The following BROX variants were observed in gnomAD, a reference collection of about 807,000 sequenced individuals.
BROX encodes BRO1 domain and CAAX motif containing.
BROX carries 53 observed loss-of-function variants against 61.0 expected under a neutral mutation model. That is an observed-to-expected ratio of 0.87 (90% CI 0.70 to 1.09). The LOEUF (loss-of-function observed/expected upper bound fraction) is 1.09. Ranked by LOEUF, BROX falls within the 50% of genes least tolerant of loss-of-function variation. The pLI is 0.00. For synonymous variants in BROX, 152 were observed against 160.2 expected, an observed-to-expected ratio of 0.95 and a Z score of 0.38; for missense variants, 489 against 472.0, an observed-to-expected ratio of 1.04 and a Z score of -0.33.
chr1:222,713,889 C>G (rs889183040), intron 1 of BROX: 1 of 152,108 alleles, frequency 6.6e-6, no homozygotes, highest in Non-Finnish European at 1.5e-5. Flanking sequence ...TAAACCTGCT[C>G]AGTTTTTCGT....
Position 222,735,052 on chromosome 1 carries a change from T to G in BROX, c.*2338T>G, listed in dbSNP as rs556890075. The G allele has an allele frequency of 2.0e-5, 3 of 152,312 alleles. No individual in the cohort carries two copies. Among genetic ancestry groups the G allele is most frequent in the Non-Finnish European group, 4.4e-5 (3 of 68,020 alleles). 9.4% of individuals were successfully genotyped at this position (152,312 alleles called of 1,614,324 possible). A position where few individuals can be genotyped will look rare whatever the true frequency, so the allele number is the denominator to read the frequency against. On this transcript the variant is annotated 3_prime_UTR_variant, in exon 13 of 13. Coordinates refer to ENST00000340934, the MANE Select transcript of BROX (RefSeq NM_144695.4). ...AAATGTATAGAAGTTGCATGAAGGT[T>G]ATAGAGAGGTGTAACTGTTTGTTAA...
intron 2 of BROX, among the ~76,000 whole-genome samples, chr1:222,717,578 CT>C (rs1474552120): frequency 1.3e-5 from 2 of 152,188 alleles, no homozygotes; most frequent in African/African-American, 4.8e-5. Flanking sequence ...CACTTTCCAG[CT>C]TCTAGAGAAA....
intron 7 of BROX, among the ~76,000 whole-genome samples, chr1:222,726,901 G>C (rs555682531): frequency 6.6e-6 from 1 of 152,058 alleles, no homozygotes; most frequent in Non-Finnish European, 1.5e-5. Flanking sequence ...AGAATTTGCT[G>C]TTAGGTCATG....
intron 4 of BROX, among the ~76,000 whole-genome samples, chr1:222,721,857 C>G (rs1485994205): frequency 6.6e-6 from 1 of 152,064 alleles, no homozygotes; most frequent in East Asian, 1.9e-4. Context: ...GTCACTTCTA[C>G]CAGAAAATTT....
Position 222,725,436 on chromosome 1 carries a change from G to T in BROX, c.475-14G>T, listed in dbSNP as rs141882942. ...GGCTGCTTTGTTTTTTGTCTTTTTT[G>T]TTGTTGTTCTCAGGAAAGTCATCTC... On this transcript the variant is annotated splice_polypyrimidine_tract_variant and intron_variant, in intron 6 of 12. Transcript: ENST00000340934. The T allele has an allele frequency of 1.3e-6, 2 of 1,555,288 alleles. No individual in the cohort carries two copies. Among genetic ancestry groups the T allele is most frequent in the African/African-American group, 1.4e-5 (1 of 71,920 alleles).
chr1:222,729,643 T>C lies in BROX; in HGVS notation c.780T>C (p.Thr260=). The C allele has an allele frequency of 1.2e-6, 2 of 1,613,154 alleles. No individual in the cohort carries two copies. The highest frequency in any genetic ancestry group is 1.7e-6 in the Non-Finnish European group (2 of 1,179,310). Residue 260 remains threonine, a synonymous_variant, in exon 10 of 13, where the codon ACT becomes ACC. Transcript: ENST00000340934. ...TAYAYCYHGE[T]LLASDKCGEA... is the part of the protein sequence containing the mutation. ...AGGCTTACTGTTACCATGGTGAGAC[T>C]TTATTGGCTAGTGATAAATGCGGTG...
intron 4 of BROX, among the ~76,000 whole-genome samples, chr1:222,720,707 G>A (rs561823479): frequency 2.0e-5 from 3 of 151,676 alleles, no homozygotes. Context: ...CAGCTACTTG[G>A]GAGGCTGAGA....
rs145684025 is a variant in BROX, at chr1:222,717,901, C to T, written c.102-1024C>T. 22 of 152,326 alleles carry T rather than the reference C, an allele frequency of 1.4e-4. No individual in the cohort carries two copies. In the East Asian group the frequency reaches 4.2e-3, roughly 29 times the overall value. The allele number at this position is 152,326 out of a possible 1,614,324, so 9.4% of individuals were successfully genotyped here. ...ATATACAGCCTCTACTCTCTTGGTG[C>T]TTACCATTTAAATTTAGTCTTTCTT... On this transcript the variant is annotated intron_variant, in intron 2 of 12. Transcript: ENST00000340934.
In BROX at chr1:222,732,827, AG is replaced by A; in HGVS notation, c.*114del. 1 of 836,614 alleles carries A rather than the reference AG, an allele frequency of 1.2e-6. No individual in the cohort carries two copies. The highest frequency in any genetic ancestry group is 1.9e-6 in the Non-Finnish European group (1 of 536,716). The allele number at this position is 836,614 out of a possible 1,614,324, so 51.8% of individuals were successfully genotyped here. On this transcript the variant is annotated 3_prime_UTR_variant, in exon 13 of 13. Coordinates refer to ENST00000340934, the MANE Select transcript of BROX (RefSeq NM_144695.4). The stretch of plus-strand genomic sequence containing the variant: ...AGCTTGTAGAATAACTATTATATTC[AG>A]AGGGTTATCTGCCTTCAGCTTACTT...
Position 222,718,997 on chromosome 1 carries a change from G to A in BROX, c.174G>A (p.Lys58=). ...TDLSCNPEMM[K]NAADSYFSLL... is the part of the protein sequence containing the mutation. ...TGAGCTGTAATCCAGAAATGATGAA[G>A]AATGCAGCAGATTCATATTTCTCAC... The change falls in exon 3 of 13, where the codon AAG becomes AAA. Residue 58 remains lysine (K), a synonymous_variant. Coordinates refer to ENST00000340934, the MANE Select transcript of BROX (RefSeq NM_144695.4). 1.9e-6 allele frequency: 3 copies of A among 1,613,608 alleles called. No homozygotes were observed. The highest frequency in any genetic ancestry group is 2.5e-6 in the Non-Finnish European group (3 of 1,179,772).
At chr1:222,717,559 G>T (rs751293310) in intron 2 of BROX, among the ~76,000 whole-genome samples, 8 of 152,166 alleles carry the variant, frequency 5.3e-5, no homozygotes, top group Non-Finnish European at 1.2e-4. Context: ...CCTAGTCCAG[G>T]AATTGAATCA....
intron 4 of BROX, among the ~76,000 whole-genome samples, chr1:222,721,219 A>G (rs1657075958): frequency 1.3e-5 from 2 of 152,222 alleles, no homozygotes; most frequent in East Asian, 1.9e-4. Flanking sequence ...GTTTCAGTGC[A>G]GAAAATAATA....
chr1:222,716,433 C>T (rs1219777924), intron 2 of BROX, among the ~76,000 whole-genome samples: 1 of 152,210 alleles, frequency 6.6e-6, no homozygotes, highest in African/African-American at 2.4e-5. Context: ...ACATATTAAA[C>T]TTCTTGACTT....
rs545764844 is a variant in BROX at position 222,728,353 on chromosome 1, G to A, written c.671-390G>A. Among the ~76,000 whole-genome samples, 7 of 152,276 alleles carry A rather than the reference G, an allele frequency of 4.6e-5. No homozygotes were observed. In the South Asian group the frequency reaches 1.4e-3, roughly 32 times the overall value. Reference sequence around the variant, plus strand: ...TTTCACATAAAATTCAGTGATGGGGGTAGAGAGGAGAGTATCCTATTTCTG... The same window carrying A: ...TTTCACATAAAATTCAGTGATGGGGATAGAGAGGAGAGTATCCTATTTCTG... On this transcript the variant is annotated intron_variant, in intron 8 of 12. Coordinates refer to ENST00000340934, the MANE Select transcript of BROX (RefSeq NM_144695.4).
chr1:222,712,692 G>T lies in BROX; in HGVS notation c.-267G>T. 1 of 1,294,510 alleles carries T rather than the reference G, an allele frequency of 7.7e-7. No homozygotes were observed. Among genetic ancestry groups the T allele is most frequent in the Non-Finnish European group, 1.0e-6 (1 of 991,984 alleles). 80.2% of individuals were successfully genotyped at this position (1,294,510 alleles called of 1,614,324 possible). A position where few individuals can be genotyped will look rare whatever the true frequency, so the allele number is the denominator to read the frequency against. On this transcript the variant is annotated 5_prime_UTR_variant, in exon 1 of 13. Coordinates refer to ENST00000340934, the MANE Select transcript of BROX (RefSeq NM_144695.4). Reference sequence around the variant, plus strand: ...GAAGGCCGAGGGAGAAGTTAGAAAGGGATGATGAACGAAGCGTTTTGAGGG... The same window carrying T: ...GAAGGCCGAGGGAGAAGTTAGAAAGTGATGATGAACGAAGCGTTTTGAGGG...
At chr1:222,726,717 C>CA (rs113885916) in intron 7 of BROX, among the ~76,000 whole-genome samples, 96 of 132,460 alleles carry the variant, frequency 7.2e-4, no homozygotes, top group South Asian at 1.7e-3. Context: ...AACTCCATCT[C>CA]AAAAAAAAAA....
intron 9 of BROX, 138 bp from the exon 10 acceptor site, chr1:222,729,481 TG>T (rs1346540196): frequency 3.8e-6 from 2 of 523,892 alleles, no homozygotes; most frequent in Non-Finnish European, 6.7e-6. Context: ...GAACAAAGGT[TG>T]GGGAAGAGCT....
chr1:222,732,791 G>T lies in BROX; in HGVS notation c.*77G>T. On this transcript the variant is annotated 3_prime_UTR_variant, in exon 13 of 13. Coordinates refer to ENST00000340934, the MANE Select transcript of BROX (RefSeq NM_144695.4). ...AATTTCAGTTCTTATTTCTCAAAATGATTTCTCTGAAGCTTGTAGAATAAC... is the reference window on the plus strand; with the variant it reads ...AATTTCAGTTCTTATTTCTCAAAATTATTTCTCTGAAGCTTGTAGAATAAC... 8.7e-7 allele frequency: 1 copy of T among 1,152,308 alleles called. No homozygotes were observed. The highest frequency in any genetic ancestry group is 2.1e-5 in the Admixed American group (1 of 48,096). 71.4% of individuals were successfully genotyped at this position (1,152,308 alleles called of 1,614,324 possible). A position where few individuals can be genotyped will look rare whatever the true frequency, so the allele number is the denominator to read the frequency against.
At chr1:222,714,773 T>C (rs1415342952) in intron 1 of BROX, among the ~76,000 whole-genome samples, 1 of 151,348 alleles carries the variant, frequency 6.6e-6, no homozygotes, top group Non-Finnish European at 1.5e-5. Flanking sequence ...AGAGACCGGG[T>C]CTCACCATGT....
Sources: allele counts gnomAD v4.1 joint callset (sites outside exome capture counted in the v4.1 genomes callset), GRCh38; gene constraint gnomAD v4.1.1; transcripts MANE v1.5; gene names NCBI Gene and HGNC (gene_info 2026-07-23, HGNC 2026-07-21).